NRXN3: variants seen among roughly 807,000 people sequenced by gnomAD.
NRXN3 encodes neurexin 3, also known as neurexin III.
A neutral mutation model predicts 137.6 loss-of-function variants in NRXN3; 32 were observed. The observed-to-expected ratio is 0.23, with a 90% CI of 0.18 to 0.31. NRXN3 has a LOEUF of 0.31. Ranked by LOEUF, NRXN3 falls within the 10% of genes least tolerant of loss-of-function variation. NRXN3 has a pLI of 1.00. For synonymous variants in NRXN3, 798 were observed against 784.5 expected, an observed-to-expected ratio of 1.02 and a Z score of -0.29; for missense variants, 1,574 against 2,062.5, an observed-to-expected ratio of 0.76 and a Z score of 4.59.
In NRXN3 at chr14:78,564,761, C is replaced by A. The variant is rs201237124; in HGVS notation, c.758-80359C>A. Among the ~76,000 whole-genome samples, 30 of 152,284 alleles carry A rather than the reference C, an allele frequency of 2.0e-4. No homozygotes were observed. In the East Asian group the frequency reaches 3.1e-3, roughly 16 times the overall value. ...GGCCGCCATGGTAGGTTTTGCCTAT[C>A]ATCCCAAACCTTGTGCAGGCCTACC... On this transcript the variant is annotated intron_variant, in intron 4 of 20. Coordinates refer to ENST00000335750, the MANE Select transcript of NRXN3 (RefSeq NM_001330195.2).
intron 15 of NRXN3, among the ~76,000 whole-genome samples, chr14:79,094,975 A>AGTGTGTGTGT (rs71131675): frequency 1.4e-3 from 121 of 88,774 alleles, no homozygotes; most frequent in African/African-American, 3.1e-3. Flanking sequence ...AGAGAGAGAG[A>AGTGTGTGTGT]GAGAGTGTGT....
At chr14:78,972,993 C>T (rs1192227530) in intron 14 of NRXN3, 1 of 152,180 alleles carries the variant, frequency 6.6e-6, no homozygotes, top group Admixed American at 6.6e-5. Context: ...TAGAGATCTT[C>T]AAGCTGTCAC....
intron 4 of NRXN3, among the ~76,000 whole-genome samples, chr14:78,578,381 A>G (rs1333848952): frequency 3.3e-5 from 5 of 152,182 alleles, no homozygotes; most frequent in Non-Finnish European, 7.3e-5. Context: ...AGTGTTCTTC[A>G]CTGGAGCTAA....
At chr14:78,693,424 T>TC (rs1186535991) in intron 6 of NRXN3, among the ~76,000 whole-genome samples, 1 of 151,854 alleles carries the variant, frequency 6.6e-6, no homozygotes, top group African/African-American at 2.4e-5. Context: ...TTTTGTTTTT[T>TC]CCCCCACTGC....
intron 15 of NRXN3, among the ~76,000 whole-genome samples, chr14:79,204,016 G>A (rs1271479783): frequency 6.6e-6 from 1 of 152,062 alleles, no homozygotes; most frequent in Non-Finnish European, 1.5e-5. Context: ...GCAGAGTTGG[G>A]TAGCGATATA....
chr14:79,132,185 C>T lies in NRXN3; in HGVS notation c.3262+144044C>T, dbSNP rs149116030. 8.9e-3 allele frequency among the ~76,000 whole-genome samples: 1,351 copies of T among 152,320 alleles called. 25 individuals carry two copies. Among genetic ancestry groups the T allele is most frequent in the African/African-American group, 0.029 (1,217 of 41,562 alleles). ...CTGTAGACCAGAGCTGTTCCTATTC[C>T]GCCATCTTGGCTCCTCCAACTTAAA... On this transcript the variant is annotated intron_variant, in intron 15 of 20. Coordinates refer to ENST00000335750, the MANE Select transcript of NRXN3 (RefSeq NM_001330195.2).
At chr14:79,334,262 TA>T in intron 15 of NRXN3, among the ~76,000 whole-genome samples, 1 of 152,176 alleles carries the variant, frequency 6.6e-6, no homozygotes, top group African/African-American at 2.4e-5. Context: ...TGAGGTGCTA[TA>T]AAAAAATAAA....
rs2083708818 is a variant in NRXN3 at position 79,294,483 on chromosome 14, A to G, written c.3263-172738A>G. Reference sequence around the variant, plus strand: ...TCACGGTAATTATTTGATCCACAGCACAGCCTTGTGTGGTAGGAGGACAGG... The same window carrying G: ...TCACGGTAATTATTTGATCCACAGCGCAGCCTTGTGTGGTAGGAGGACAGG... On this transcript the variant is annotated intron_variant, in intron 15 of 20. Transcript: ENST00000335750. Among the ~76,000 whole-genome samples, 5 of 152,338 alleles carry G rather than the reference A, an allele frequency of 3.3e-5. No homozygotes were observed. In the South Asian group the frequency reaches 1.0e-3, roughly 32 times the overall value.
intron 15 of NRXN3, among the ~76,000 whole-genome samples, chr14:79,297,406 A>C (rs2084369222): frequency 1.3e-5 from 2 of 152,126 alleles, no homozygotes; most frequent in African/African-American, 2.4e-5. Context: ...TATAATTTAA[A>C]AATTTTGTTG....
At chr14:79,087,493 A>G (rs185215736) in intron 15 of NRXN3, among the ~76,000 whole-genome samples, 2 of 152,312 alleles carry the variant, frequency 1.3e-5, no homozygotes, top group Non-Finnish European at 2.9e-5. Context: ...TATGACTTAA[A>G]TGAACAGAGC....
At chr14:78,579,123 C>T (rs111435641) in intron 4 of NRXN3, among the ~76,000 whole-genome samples, 16 of 152,250 alleles carry the variant, frequency 1.1e-4, no homozygotes, top group Admixed American at 7.2e-4. Flanking sequence ...TCAAGAACAA[C>T]GCAGTTGTCA....
chr14:78,660,454 G>A (rs2097829668), intron 6 of NRXN3, among the ~76,000 whole-genome samples: 1 of 151,894 alleles, frequency 6.6e-6, no homozygotes, highest in Admixed American at 6.6e-5. Context: ...CCTGGTCATG[G>A]TTTCTTTCTT....
At chr14:79,464,024 A>G (rs977489207) in intron 15 of NRXN3, among the ~76,000 whole-genome samples, 2 of 152,214 alleles carry the variant, frequency 1.3e-5, no homozygotes, top group African/African-American at 4.8e-5. Context: ...AACACGAAGT[A>G]TGTATTTACC....
At chr14:78,405,539 G>A (rs1334056883) in intron 4 of NRXN3, among the ~76,000 whole-genome samples, 2 of 145,492 alleles carry the variant, frequency 1.4e-5, no homozygotes, top group Non-Finnish European at 3.0e-5. Context: ...TTTGTCACTG[G>A]CCACAGTTTA....
At chr14:78,705,705 G>A (rs778862487) in intron 6 of NRXN3, among the ~76,000 whole-genome samples, 7 of 152,168 alleles carry the variant, frequency 4.6e-5, no homozygotes, top group Non-Finnish European at 8.8e-5. Flanking sequence ...AACAGATATC[G>A]AGGCTCTTAC....
chr14:78,540,562 C>T (rs895133082), intron 4 of NRXN3, among the ~76,000 whole-genome samples: 1 of 151,562 alleles, frequency 6.6e-6, no homozygotes, highest in Non-Finnish European at 1.5e-5. Context: ...GATCTTGACT[C>T]TTTATCCAAT....
At chr14:78,235,024 G>GTATATATATATATATATATATA (rs1157298084) in intron 1 of NRXN3, among the ~76,000 whole-genome samples, 1 of 81,992 alleles carries the variant, frequency 1.2e-5, no homozygotes, top group African/African-American at 5.6e-5. Flanking sequence ...ATATATATAT[G>GTATATATATATATATATATATA]TGTATATATA....
intron 15 of NRXN3, among the ~76,000 whole-genome samples, chr14:79,445,958 T>A (rs2096057511): frequency 6.6e-6 from 1 of 152,126 alleles, no homozygotes; most frequent in African/African-American, 2.4e-5. Flanking sequence ...TATGCTCCTA[T>A]TTTTAGGGGC....
chr14:79,435,280 A>C (rs1188397288), intron 15 of NRXN3, among the ~76,000 whole-genome samples: 3 of 150,020 alleles, frequency 2.0e-5, no homozygotes, highest in Non-Finnish European at 4.4e-5. Flanking sequence ...GGGCAAAAGA[A>C]AGGGAGGAGG....
Sources: gnomAD v4.1 joint callset for allele counts (sites outside exome capture counted in the v4.1 genomes callset) on GRCh38, gnomAD v4.1.1 for gene constraint, MANE v1.5 for transcripts, NCBI Gene and HGNC (gene_info 2026-07-23, HGNC 2026-07-21) for gene names.